The following FOCAD variants were observed in gnomAD, a reference collection of about 807,000 sequenced individuals.
FOCAD encodes the protein KIAA1797.
In FOCAD, 198 loss-of-function variants were observed where a neutral mutation model predicts 225.6. The ratio of observed to expected loss-of-function variants is 0.88; its 90% CI spans 0.78 to 0.99. FOCAD has a LOEUF of 0.99. Ranked by LOEUF, FOCAD falls within the 50% of genes least tolerant of loss-of-function variation. FOCAD has a pLI of 0.00. For missense variants in FOCAD, 2,713 were observed against 2,123.6 expected (o/e 1.28, Z -5.46); for synonymous variants, 897 against 755.0 (o/e 1.19, Z -3.08).
At chr9:20,710,044 G>A (rs1824706037) in intron 1 of FOCAD, among the ~76,000 whole-genome samples, 1 of 152,046 alleles carries the variant, frequency 6.6e-6, no homozygotes. Flanking sequence ...AGCATTCTGG[G>A]CCTGGATCAG....
Position 20,893,047 on chromosome 9 carries a change from C to G in FOCAD, c.2625+7817C>G, listed in dbSNP as rs12353053. 1.3e-3 allele frequency among the ~76,000 whole-genome samples: 199 copies of G among 152,164 alleles called. 2 individuals carry two copies. The highest frequency in any genetic ancestry group is 0.012 in the Admixed American group (189 of 15,262). Reference sequence around the variant, plus strand: ...AAAAATTTTTAGTGATAGGACCTCACTATGTTGCCCAGGCTGGAGTGCAGT... The same window carrying G: ...AAAAATTTTTAGTGATAGGACCTCAGTATGTTGCCCAGGCTGGAGTGCAGT... On this transcript the variant is annotated intron_variant, in intron 21 of 43. Transcript: ENST00000338382.
chr9:20,941,481 C>T (rs1836654472), intron 28 of FOCAD, among the ~76,000 whole-genome samples: 1 of 152,074 alleles, frequency 6.6e-6, no homozygotes, highest in Non-Finnish European at 1.5e-5. Flanking sequence ...TGCAGGATTG[C>T]CTACAGTAAA....
chr9:20,860,667 C>T (rs780897411), intron 15 of FOCAD, among the ~76,000 whole-genome samples: 5 of 152,204 alleles, frequency 3.3e-5, no homozygotes, highest in South Asian at 2.1e-4. Context: ...TATGCCTCCA[C>T]GCCTGGCTAA....
intron 22 of FOCAD, among the ~76,000 whole-genome samples, chr9:20,907,978 G>A (rs74342206): frequency 0.04 from 6,025 of 152,126 alleles, 149 homozygotes; most frequent in African/African-American, 0.07. Flanking sequence ...CTCTGGCCCT[G>A]ACATAAGTGT....
At chr9:20,867,400 A>G (rs909903812) in intron 18 of FOCAD, among the ~76,000 whole-genome samples, 1 of 152,018 alleles carries the variant, frequency 6.6e-6, no homozygotes, top group African/African-American at 2.4e-5. Flanking sequence ...ATGGGATGCC[A>G]TATGAAAAAA....
chr9:20,849,283 T>C (rs190091895), intron 15 of FOCAD, among the ~76,000 whole-genome samples: 1 of 152,040 alleles, frequency 6.6e-6, no homozygotes, highest in East Asian at 1.9e-4. Flanking sequence ...CTCTTGTTTT[T>C]AAATATATTT....
intron 7 of FOCAD, 145 bp downstream of exon 7, chr9:20,765,218 A>G (rs1829954891): frequency 1.6e-6 from 1 of 622,974 alleles, no homozygotes; most frequent in South Asian, 2.7e-5. Flanking sequence ...CTTTTGGGGA[A>G]GATGAAAGAA....
intron 11 of FOCAD, among the ~76,000 whole-genome samples, chr9:20,818,197 G>A (rs1712576581): frequency 6.6e-6 from 1 of 152,084 alleles, no homozygotes; most frequent in Admixed American, 6.6e-5. Flanking sequence ...GGTGTATTCA[G>A]ATCCTTTGCC....
chr9:20,840,581 C>G (rs1408159573), intron 15 of FOCAD, among the ~76,000 whole-genome samples: 1 of 147,638 alleles, frequency 6.8e-6, no homozygotes, highest in Non-Finnish European at 1.5e-5. Flanking sequence ...GTAGAAATGC[C>G]ACTGATTTTT....
At chr9:20,667,166 G>A (rs576008295) in intron 2 of FOCAD, among the ~76,000 whole-genome samples, 1 of 152,186 alleles carries the variant, frequency 6.6e-6, no homozygotes, top group East Asian at 1.9e-4. Context: ...ATCTTATAAA[G>A]TCACTAAAAT....
rs929202043 is a variant in FOCAD at position 20,801,443 on chromosome 9, A to C, written c.1455+11835A>C. On this transcript the variant is annotated intron_variant, in intron 11 of 43. Coordinates refer to ENST00000338382, the MANE Select transcript of FOCAD (RefSeq NM_001375567.1). The stretch of plus-strand genomic sequence containing the variant: ...GTGATCCACCTGCCTTGGCCTCCCA[A>C]AGTGCTGGGATTGCAGGCGTGAGCC... Among the ~76,000 whole-genome samples the C allele has an allele frequency of 3.3e-5, 5 of 152,248 alleles. No individual in the cohort carries two copies. In the South Asian group the frequency reaches 8.3e-4, roughly 25 times the overall value.
intron 4 of FOCAD, 90 bp downstream of exon 4, chr9:20,720,624 T>A: frequency 7.8e-7 from 1 of 1,286,954 alleles, no homozygotes; most frequent in Non-Finnish European, 1.1e-6. Context: ...GCATTCATCC[T>A]ACTTGCCAGT....
At chr9:20,964,400 G>C (rs1418711722) in intron 35 of FOCAD, among the ~76,000 whole-genome samples, 2 of 151,772 alleles carry the variant, frequency 1.3e-5, no homozygotes, top group Non-Finnish European at 2.9e-5. Context: ...TCTCAGAAAA[G>C]AAAAAATAAT....
intron 11 of FOCAD, among the ~76,000 whole-genome samples, chr9:20,793,592 G>A (rs536352741): frequency 8.5e-5 from 13 of 152,234 alleles, no homozygotes; most frequent in South Asian, 4.1e-4. Context: ...AACAAAATCC[G>A]TTTGTCTGGG....
rs1017518305 is a variant in FOCAD at position 20,962,677 on chromosome 9, T to C, written c.4132+9612T>C. 3.3e-5 allele frequency among the ~76,000 whole-genome samples: 5 copies of C among 152,126 alleles called. No individual in the cohort carries two copies. The East Asian group carries it at 5.8e-4, about 18-fold the overall frequency. Reference sequence around the variant, plus strand: ...AAAGTATGTGCGATAATGGGTCCTGTTGTAATGCATTATGTTCGGATATAC... The same window carrying C: ...AAAGTATGTGCGATAATGGGTCCTGCTGTAATGCATTATGTTCGGATATAC... On this transcript the variant is annotated intron_variant, in intron 35 of 43. Coordinates refer to ENST00000338382, the MANE Select transcript of FOCAD (RefSeq NM_001375567.1).
intron 21 of FOCAD, among the ~76,000 whole-genome samples, chr9:20,892,231 A>G (rs7030476): frequency 0.58 from 87,672 of 152,048 alleles, 25,521 homozygotes; most frequent in East Asian, 0.67. Flanking sequence ...ATGACTGCCA[A>G]CACAACATCC....
At chr9:20,677,069 C>T (rs1185896174) in intron 2 of FOCAD, among the ~76,000 whole-genome samples, 2 of 152,038 alleles carry the variant, frequency 1.3e-5, no homozygotes, top group African/African-American at 4.8e-5. Flanking sequence ...GAGCAGAGAG[C>T]CCACGAATAA....
At chr9:20,934,018 G>A (rs1835726495) in intron 28 of FOCAD, among the ~76,000 whole-genome samples, 1 of 151,940 alleles carries the variant, frequency 6.6e-6, no homozygotes, top group Non-Finnish European at 1.5e-5. Flanking sequence ...TTTGAGAATT[G>A]TCTATTCATG....
At chr9:20,763,632 G>A (rs1424730227) in intron 6 of FOCAD, among the ~76,000 whole-genome samples, 2 of 152,172 alleles carry the variant, frequency 1.3e-5, no homozygotes, top group African/African-American at 2.4e-5. Context: ...GGTAGAAGGG[G>A]AGAATATTAC....
Sources: allele counts gnomAD v4.1 joint callset (sites outside exome capture counted in the v4.1 genomes callset), GRCh38; gene constraint gnomAD v4.1.1; transcripts MANE v1.5; gene names NCBI Gene and HGNC (gene_info 2026-07-23, HGNC 2026-07-21).